Variants in RORA observed in about 807,000 individuals in gnomAD.
The protein encoded by RORA is nuclear receptor ROR-alpha.
RORA carries 7 observed loss-of-function variants against 69.5 expected under a neutral mutation model. The observed-to-expected ratio is 0.10, with a 90% CI of 0.06 to 0.19. RORA has a LOEUF of 0.19. Among genes scored for constraint, RORA ranks in the 10% least tolerant of loss-of-function variants. RORA has a pLI of 1.00. For synonymous variants in RORA, 261 were observed against 240.8 expected (o/e 1.08, Z -0.78); for missense variants, 457 against 663.0 (o/e 0.69, Z 3.41).
At chr15:60,862,911 T>G (rs2073448555) in intron 1 of RORA, among the ~76,000 whole-genome samples, 1 of 152,206 alleles carries the variant, frequency 6.6e-6, no homozygotes, top group South Asian at 2.1e-4. Flanking sequence ...ACTGCCCTTT[T>G]TTGGTTGTTG....
intron 1 of RORA, among the ~76,000 whole-genome samples, chr15:61,215,033 T>C (rs1254693091): frequency 3.3e-4 from 1 of 2,998 alleles, no homozygotes; most frequent in Non-Finnish European, 1.1e-3. Context: ...CCCAGCTAAT[T>C]TTTTTTTTTT....
chr15:60,882,617 C>T (rs1013230325), intron 1 of RORA, among the ~76,000 whole-genome samples: 3 of 145,170 alleles, frequency 2.1e-5, no homozygotes, highest in Non-Finnish European at 3.0e-5. Context: ...AAGGACTTAC[C>T]CTTTAGATGG....
At chr15:60,652,857 C>T (rs534473757) in intron 2 of RORA, among the ~76,000 whole-genome samples, 1 of 152,322 alleles carries the variant, frequency 6.6e-6, no homozygotes, top group Admixed American at 6.5e-5. Flanking sequence ...ATGCTCAATG[C>T]TGGTGCTTGC....
At chr15:60,857,636 G>A (rs776547257) in intron 1 of RORA, among the ~76,000 whole-genome samples, 14 of 152,062 alleles carry the variant, frequency 9.2e-5, no homozygotes, top group Non-Finnish European at 1.5e-4. Context: ...CCTGGCTGCC[G>A]CACACGCCCT....
chr15:61,069,027 A>T (rs983627226), intron 1 of RORA, among the ~76,000 whole-genome samples: 8 of 152,190 alleles, frequency 5.3e-5, no homozygotes, highest in African/African-American at 1.9e-4. Context: ...TCTAGCAGTA[A>T]TACTGACATC....
chr15:60,688,845 T>A (rs747155995), intron 1 of RORA, among the ~76,000 whole-genome samples: 1 of 152,176 alleles, frequency 6.6e-6, no homozygotes, highest in African/African-American at 2.4e-5. Flanking sequence ...ACCACACAGG[T>A]GTTTGCCTAA....
chr15:61,188,393 G>A (rs950425837), intron 1 of RORA, among the ~76,000 whole-genome samples: 6 of 152,176 alleles, frequency 3.9e-5, no homozygotes, highest in East Asian at 1.9e-4. Context: ...ACCCACCAAC[G>A]GGGCCTAGTT....
intron 1 of RORA, among the ~76,000 whole-genome samples, chr15:61,054,928 C>T (rs1373947265): frequency 6.6e-6 from 1 of 151,764 alleles, no homozygotes; most frequent in Non-Finnish European, 1.5e-5. Context: ...CTTCCACCTC[C>T]TGAGCTCAAT....
chr15:60,678,472 C>T (rs2070587671), intron 2 of RORA, 185 bp downstream of exon 2: 2 of 582,054 alleles, frequency 3.4e-6, no homozygotes, highest in Non-Finnish European at 6.2e-6. Context: ...CTCTTCAACA[C>T]ACACTCAGTA....
At chr15:61,015,269 G>A (rs1335844861) in intron 1 of RORA, among the ~76,000 whole-genome samples, 1 of 152,148 alleles carries the variant, frequency 6.6e-6, no homozygotes, top group African/African-American at 2.4e-5. Flanking sequence ...AGGATTTGGG[G>A]AGGGACTTTC....
rs543475463 is a variant in RORA at position 60,535,762 on chromosome 15, A to G, written c.197-3911T>C. On this transcript the variant is annotated intron_variant, in intron 2 of 10. Transcript: ENST00000335670. ...TCTGTGGGTGAGTAGTGATCTCTCA[A>G]TAATAATCTAATTTATAATAATAAT... Among the ~76,000 whole-genome samples, 3 of 152,294 alleles carry G rather than the reference A, an allele frequency of 2.0e-5. No individual in the cohort carries two copies. In the East Asian group the frequency reaches 5.8e-4, roughly 29 times the overall value.
rs77335247 is a variant in RORA at position 61,066,828 on chromosome 15, A to C, written c.166+162225T>G. Among the ~76,000 whole-genome samples, 160 of 146,130 alleles carry C rather than the reference A, an allele frequency of 1.1e-3. 1 individual carries two copies. The highest frequency in any genetic ancestry group is 3.9e-3 in the African/African-American group (154 of 39,318). ...CATTTCTCAAGTCCAAAGAGTCCAA[A>C]TCTTCCTTCTTCTAGATCCACATGC... On this transcript the variant is annotated intron_variant, in intron 1 of 10. Transcript: ENST00000335670.
chr15:60,656,938 A>G (rs2070230110), intron 2 of RORA, among the ~76,000 whole-genome samples: 1 of 152,170 alleles, frequency 6.6e-6, no homozygotes, highest in African/African-American at 2.4e-5. Context: ...ACAGCAAAAG[A>G]GAGATTATTA....
intron 1 of RORA, among the ~76,000 whole-genome samples, chr15:60,975,613 C>G (rs906331485): frequency 6.6e-6 from 1 of 152,178 alleles, no homozygotes; most frequent in African/African-American, 2.4e-5. Context: ...TCACTGAAAG[C>G]CCCTCTCCCT....
At chr15:60,937,806 T>C (rs2140320141) in intron 1 of RORA, among the ~76,000 whole-genome samples, 1 of 152,328 alleles carries the variant, frequency 6.6e-6, no homozygotes, top group African/African-American at 2.4e-5. Flanking sequence ...GATGCTGATA[T>C]TTGTGATAAT....
chr15:60,935,417 A>G (rs530319808), intron 1 of RORA, among the ~76,000 whole-genome samples: 19 of 152,370 alleles, frequency 1.2e-4, no homozygotes, highest in Non-Finnish European at 2.5e-4. Flanking sequence ...CACAGTGTCC[A>G]TGCTGCCAGT....
At chr15:61,028,934 G>A (rs767107135) in intron 1 of RORA, among the ~76,000 whole-genome samples, 1 of 152,122 alleles carries the variant, frequency 6.6e-6, no homozygotes, top group Admixed American at 6.6e-5. Flanking sequence ...TGGTGGTGAG[G>A]GTGGTGGTGG....
chr15:61,057,993 A>G (rs535092293), intron 1 of RORA, among the ~76,000 whole-genome samples: 3 of 152,292 alleles, frequency 2.0e-5, no homozygotes, highest in East Asian at 3.9e-4. Context: ...TCATTCTTAC[A>G]TGAGTGTGGC....
At chr15:61,156,944 G>A (rs149166478) in intron 1 of RORA, among the ~76,000 whole-genome samples, 6 of 152,230 alleles carry the variant, frequency 3.9e-5, no homozygotes, top group East Asian at 1.9e-4. Flanking sequence ...AAGAACCTGG[G>A]TACTGCCAGA....
Sources: allele counts gnomAD v4.1 joint callset (sites outside exome capture counted in the v4.1 genomes callset), GRCh38; gene constraint gnomAD v4.1.1; transcripts MANE v1.5; gene names NCBI Gene and HGNC (gene_info 2026-07-23, HGNC 2026-07-21).